PTK2: variants seen among roughly 807,000 people sequenced by gnomAD.
PTK2 encodes the protein protein tyrosine kinase 2, also known as focal adhesion kinase 1.
Under a neutral mutation model 150.1 loss-of-function variants are expected in PTK2, and 45 were observed. That is an observed-to-expected ratio of 0.30 (90% CI 0.24 to 0.38). PTK2 has a LOEUF of 0.38. Among genes scored for constraint, PTK2 ranks in the 10% least tolerant of loss-of-function variants. The pLI is 1.00. For missense variants in PTK2, 919 were observed against 1,307.3 expected (o/e 0.70, Z 4.58); for synonymous variants, 432 against 449.2 (o/e 0.96, Z 0.48).
chr8:140,832,676 G>A (rs2100116172), intron 7 of PTK2, among the ~76,000 whole-genome samples: 1 of 152,076 alleles, frequency 6.6e-6, no homozygotes, highest in South Asian at 2.1e-4. Context: ...AGATTGAGGG[G>A]CTACTGTGGA....
At chr8:140,693,500 G>A (rs1307590398) in intron 26 of PTK2, among the ~76,000 whole-genome samples, 1 of 144,254 alleles carries the variant, frequency 6.9e-6, no homozygotes, top group Non-Finnish European at 1.5e-5. Context: ...GGTTAGGGAT[G>A]CAGTGAACTA....
intron 27 of PTK2, among the ~76,000 whole-genome samples, chr8:140,677,555 T>A (rs1225536744): frequency 2.6e-5 from 4 of 152,240 alleles, no homozygotes; most frequent in Non-Finnish European, 5.9e-5. Flanking sequence ...AATAATGAAC[T>A]GGCTAATAGA....
At chr8:140,856,114 G>A (rs956573523) in intron 5 of PTK2, among the ~76,000 whole-genome samples, 3 of 152,142 alleles carry the variant, frequency 2.0e-5, no homozygotes, top group Non-Finnish European at 4.4e-5. Context: ...ACCCAGAGAA[G>A]TGAACATAAA....
intron 1 of PTK2, among the ~76,000 whole-genome samples, chr8:141,000,648 G>C (rs2100199806): frequency 7.7e-6 from 1 of 129,948 alleles, no homozygotes; most frequent in Admixed American, 8.0e-5. Flanking sequence ...CGGCCTCTCC[G>C]CGCGCCCGGC....
intron 26 of PTK2, among the ~76,000 whole-genome samples, chr8:140,691,194 T>TC: frequency 7.1e-6 from 1 of 141,590 alleles, no homozygotes; most frequent in East Asian, 2.2e-4. Flanking sequence ...TAGAGATGGT[T>TC]GGGGGTGGGG....
chr8:140,896,766 C>A (rs553227891), intron 2 of PTK2, among the ~76,000 whole-genome samples: 106 of 133,904 alleles, frequency 7.9e-4, no homozygotes, highest in African/African-American at 3.2e-3. Flanking sequence ...ACCATAGACG[C>A]CCCCCCTTCC....
chr8:140,661,884 G>A (rs2080665806), intron 31 of PTK2, among the ~76,000 whole-genome samples: 1 of 152,250 alleles, frequency 6.6e-6, no homozygotes, highest in South Asian at 2.1e-4. Flanking sequence ...CAGCTGCCAT[G>A]TGAGGAGGTG....
intron 10 of PTK2, among the ~76,000 whole-genome samples, chr8:140,815,761 A>G (rs2100104350): frequency 6.6e-6 from 1 of 152,118 alleles, no homozygotes; most frequent in African/African-American, 2.4e-5. Context: ...TATCATAACT[A>G]TTAATATAAT....
chr8:140,757,222 T>TAGTC (rs1179240230), intron 16 of PTK2, among the ~76,000 whole-genome samples: 2 of 152,126 alleles, frequency 1.3e-5, no homozygotes, highest in Non-Finnish European at 2.9e-5. Flanking sequence ...TCCAGTAATG[T>TAGTC]AGTCACCTTA....
chr8:140,898,725 A>C (rs1407636568), intron 2 of PTK2, among the ~76,000 whole-genome samples: 1 of 152,224 alleles, frequency 6.6e-6, no homozygotes, highest in East Asian at 1.9e-4. Flanking sequence ...CCTCATTTAT[A>C]ATTACTGTAC....
intron 29 of PTK2, among the ~76,000 whole-genome samples, chr8:140,671,130 A>C (rs1193167802): frequency 6.6e-6 from 1 of 152,252 alleles, no homozygotes; most frequent in Non-Finnish European, 1.5e-5. Flanking sequence ...GACTCAGTTA[A>C]GAACCAAAAT....
intron 7 of PTK2, among the ~76,000 whole-genome samples, chr8:140,838,210 A>G (rs929564668): frequency 6.6e-6 from 1 of 152,256 alleles, no homozygotes; most frequent in Non-Finnish European, 1.5e-5. Context: ...GAACCATGAA[A>G]TGAACTAATA....
exon 32 of PTK2, chr8:140,659,368 T>TCA: frequency 1.9e-6 from 2 of 1,061,134 alleles, no homozygotes; most frequent in South Asian, 3.4e-5. Flanking sequence ...GAGCTGTAAG[T>TCA]GCTGGCGACT....
rs1303938557 is a variant in PTK2 at position 140,670,482 on chromosome 8, AAC to A, written c.2710-2060_2710-2059del. Among the ~76,000 whole-genome samples the A allele has an allele frequency of 3.4e-3, 132 of 39,310 alleles. 10 individuals carry two copies. Among genetic ancestry groups the A allele is most frequent in the Non-Finnish European group, 5.4e-3 (88 of 16,382 alleles). 25.8% of individuals were successfully genotyped at this position (39,310 alleles called of 152,430 possible). On this transcript the variant is annotated intron_variant, in intron 29 of 31. Transcript: ENST00000522684. ...AAAAAAAAAAAAAAAAAAAAAAAAA[AAC>A]AACAACACACACACACACACACACA...
chr8:140,715,039 A>G (rs945269738), intron 23 of PTK2, among the ~76,000 whole-genome samples: 4 of 151,900 alleles, frequency 2.6e-5, no homozygotes, highest in African/African-American at 9.6e-5. Flanking sequence ...AACTGCATAC[A>G]GGACTTGATT....
rs188880935 is a variant in PTK2 at position 140,919,103 on chromosome 8, G to A, written c.-33+6558C>T. On this transcript the variant is annotated intron_variant, in intron 2 of 31. Transcript: ENST00000522684. ...GAAGGAACAGGATGACAGCTCCCAG[G>A]TTTTGTCAGAACCTCCTCTGAACAA... Among the ~76,000 whole-genome samples, 261 of 152,244 alleles carry A rather than the reference G, an allele frequency of 1.7e-3. 1 individual carries two copies. The highest frequency in any genetic ancestry group is 2.9e-3 in the Non-Finnish European group (194 of 68,012).
At chr8:140,819,255 G>A (rs1370469618) in intron 8 of PTK2, among the ~76,000 whole-genome samples, 4 of 152,068 alleles carry the variant, frequency 2.6e-5, no homozygotes, top group Non-Finnish European at 4.4e-5. Flanking sequence ...TAACTGTAAA[G>A]TTCATATATA....
chr8:140,719,322 T>C (rs907232900), intron 22 of PTK2, among the ~76,000 whole-genome samples: 4 of 152,172 alleles, frequency 2.6e-5, no homozygotes, highest in African/African-American at 9.7e-5. Context: ...CTCTTCACAG[T>C]ATTTAAGAAT....
chr8:140,889,328 C>A (rs2100153441), intron 3 of PTK2, among the ~76,000 whole-genome samples: 1 of 152,042 alleles, frequency 6.6e-6, no homozygotes, highest in Non-Finnish European at 1.5e-5. Flanking sequence ...CTCCTGGGTT[C>A]AAGTGTTTCT....
Sources: allele counts gnomAD v4.1 joint callset (sites outside exome capture counted in the v4.1 genomes callset), GRCh38; gene constraint gnomAD v4.1.1; transcripts MANE v1.5; gene names NCBI Gene and HGNC (gene_info 2026-07-23, HGNC 2026-07-21).